The following PCDH15 variants were observed in gnomAD, a reference collection of about 807,000 sequenced individuals.
The protein encoded by PCDH15 is protocadherin related 15, also known as protocadherin-15.
In PCDH15, 129 loss-of-function variants were observed where a neutral mutation model predicts 178.5. The ratio of observed to expected loss-of-function variants is 0.72; its 90% CI spans 0.63 to 0.84. The LOEUF (loss-of-function observed/expected upper bound fraction) is 0.84, where lower values mean the gene tolerates loss of function less well. Ranked by LOEUF, PCDH15 falls within the 40% of genes least tolerant of loss-of-function variation. PCDH15 has a pLI of 0.00. For synonymous variants in PCDH15, 800 were observed against 732.0 expected, an observed-to-expected ratio of 1.09 and a Z score of -1.50; for missense variants, 2,230 against 2,099.9, an observed-to-expected ratio of 1.06 and a Z score of -1.21.
At chr10:54,714,503 A>C (rs2095457493) in intron 1 of PCDH15, among the ~76,000 whole-genome samples, 1 of 152,202 alleles carries the variant, frequency 6.6e-6, no homozygotes, top group African/African-American at 2.4e-5. Flanking sequence ...GGCCTTAAAC[A>C]TTCAATTAAT....
At chr10:54,278,525 A>T (rs547847820) in intron 8 of PCDH15, among the ~76,000 whole-genome samples, 4 of 151,798 alleles carry the variant, frequency 2.6e-5, no homozygotes, top group African/African-American at 9.6e-5. Flanking sequence ...TTTCACTATT[A>T]AGATGATGGT....
At chr10:54,653,213 A>G (rs1053995843) in intron 2 of PCDH15, among the ~76,000 whole-genome samples, 7 of 152,196 alleles carry the variant, frequency 4.6e-5, no homozygotes, top group African/African-American at 1.7e-4. Context: ...CTTTCATGAC[A>G]ATGATGATGA....
chr10:54,746,436 G>T (rs1046233921), intron 1 of PCDH15, among the ~76,000 whole-genome samples: 2 of 152,064 alleles, frequency 1.3e-5, no homozygotes, highest in African/African-American at 4.8e-5. Context: ...GCAATAATTT[G>T]TTCACATTTT....
At chr10:54,025,055 T>C (rs1029860558) in intron 18 of PCDH15, among the ~76,000 whole-genome samples, 5 of 152,178 alleles carry the variant, frequency 3.3e-5, no homozygotes, top group Admixed American at 3.3e-4. Flanking sequence ...ATGACTCTTG[T>C]TCAAGTTGTT....
At chr10:54,228,690 T>G (rs1283130259) in intron 9 of PCDH15, among the ~76,000 whole-genome samples, 1 of 152,162 alleles carries the variant, frequency 6.6e-6, no homozygotes, top group Non-Finnish European at 1.5e-5. Context: ...ACGTTCCAGT[T>G]CAAGAAGAGA....
chr10:54,102,646 G>T (rs1308089936), intron 15 of PCDH15, among the ~76,000 whole-genome samples: 1 of 152,108 alleles, frequency 6.6e-6, no homozygotes, highest in African/African-American at 2.4e-5. Context: ...TATTTTTCTA[G>T]GTAGAAGAAG....
chr10:55,589,655 T>C (rs1025885690), intron 2 of PCDH15, among the ~76,000 whole-genome samples: 1 of 151,956 alleles, frequency 6.6e-6, no homozygotes, highest in African/African-American at 2.4e-5. Flanking sequence ...GGGCGAAGGA[T>C]ATGAACAGAC....
intron 2 of PCDH15, among the ~76,000 whole-genome samples, chr10:55,031,107 T>C (rs189961703): frequency 2.5e-4 from 38 of 152,318 alleles, no homozygotes; most frequent in Admixed American, 2.2e-3. Flanking sequence ...GATTTGTTTA[T>C]ACCTGCCTTG....
At chr10:53,981,965 A>G (rs2090685619) in intron 21 of PCDH15, among the ~76,000 whole-genome samples, 1 of 152,138 alleles carries the variant, frequency 6.6e-6, no homozygotes, top group African/African-American at 2.4e-5. Context: ...ACTCAAACAA[A>G]TTTACAAGAA....
rs1219929483 is a variant in PCDH15, at chr10:53,810,547, A to G, written c.4671+9T>C. ...ATATTATCTTACATAATAAAATTAC[A>G]GTAATTACCTCTTCCTCCTCATATT... On this transcript the variant is annotated intron_variant, in intron 37 of 37. Coordinates refer to ENST00000644397, the MANE Select transcript of PCDH15 (RefSeq NM_001384140.1). 17 of 1,602,760 alleles carry G rather than the reference A, an allele frequency of 1.1e-5. No homozygotes were observed. Among genetic ancestry groups the G allele is most frequent in the Non-Finnish European group, 1.5e-5 (17 of 1,170,364 alleles).
At chr10:55,567,262 C>T (rs1329252936) in intron 2 of PCDH15, among the ~76,000 whole-genome samples, 2 of 151,724 alleles carry the variant, frequency 1.3e-5, no homozygotes, top group Non-Finnish European at 2.9e-5. Flanking sequence ...TACTTAACAC[C>T]ATATACAAAA....
At chr10:54,983,174 G>T (rs1399050617) in intron 2 of PCDH15, among the ~76,000 whole-genome samples, 2 of 151,948 alleles carry the variant, frequency 1.3e-5, no homozygotes, top group East Asian at 3.9e-4. Context: ...ATTAATACTT[G>T]ATTTATCCAT....
chr10:54,434,032 C>T (rs548437952), intron 3 of PCDH15, among the ~76,000 whole-genome samples: 1 of 151,702 alleles, frequency 6.6e-6, no homozygotes, highest in Non-Finnish European at 1.5e-5. Context: ...CTTGTGTAGC[C>T]CTAGGCTAAA....
At chr10:54,869,157 A>G (rs1953991163) in intron 3 of PCDH15, 1 of 152,182 alleles carries the variant, frequency 6.6e-6, no homozygotes, top group African/African-American at 2.4e-5. Flanking sequence ...TGAGGTTCTT[A>G]TAATAAGAGG....
At chr10:54,161,275 T>C (rs2045686168) in intron 13 of PCDH15, among the ~76,000 whole-genome samples, 1 of 152,114 alleles carries the variant, frequency 6.6e-6, no homozygotes, top group Non-Finnish European at 1.5e-5. Context: ...ATTATGCTAT[T>C]TAAAAAGCCA....
intron 2 of PCDH15, among the ~76,000 whole-genome samples, chr10:55,147,557 A>G (rs1038681333): frequency 1.1e-4 from 17 of 151,616 alleles, no homozygotes; most frequent in African/African-American, 3.4e-4. Context: ...ACAGGTTCAA[A>G]TAAGTTCATA....
chr10:54,993,169 T>C (rs945846940), intron 2 of PCDH15, among the ~76,000 whole-genome samples: 1 of 152,110 alleles, frequency 6.6e-6, no homozygotes, highest in Non-Finnish European at 1.5e-5. Flanking sequence ...ACAGATTGAA[T>C]ATGGGGGTCG....
chr10:55,150,825 T>C (rs1838689147), intron 2 of PCDH15, among the ~76,000 whole-genome samples: 1 of 152,158 alleles, frequency 6.6e-6, no homozygotes, highest in Non-Finnish European at 1.5e-5. Context: ...ATATTGTTAA[T>C]GCTTTACACA....
chr10:54,837,495 TC>T (rs1479540941), intron 3 of PCDH15, among the ~76,000 whole-genome samples: 1 of 152,096 alleles, frequency 6.6e-6, no homozygotes, highest in Non-Finnish European at 1.5e-5. Flanking sequence ...GAAATTATGA[TC>T]ACAAAATTGA....
Sources: gnomAD v4.1 joint callset for allele counts (sites outside exome capture counted in the v4.1 genomes callset) on GRCh38, gnomAD v4.1.1 for gene constraint, MANE v1.5 for transcripts, NCBI Gene and HGNC (gene_info 2026-07-23, HGNC 2026-07-21) for gene names.